SETX: variants seen among roughly 807,000 people sequenced by gnomAD.
SETX encodes the protein senataxin.
In SETX, 90 loss-of-function variants were observed where a neutral mutation model predicts 227.2. That is an observed-to-expected ratio of 0.40 (90% CI 0.33 to 0.47). SETX has a LOEUF of 0.47. Ranked by LOEUF, SETX falls within the 20% of genes least tolerant of loss-of-function variation. The probability of loss-of-function intolerance (pLI) is 0.91; values close to 1 mark genes in which losing one functional copy is unlikely to be tolerated. For synonymous variants in SETX, 1,210 were observed against 1,113.2 expected, an observed-to-expected ratio of 1.09 and a Z score of -1.73; for missense variants, 3,052 against 3,181.5, an observed-to-expected ratio of 0.96 and a Z score of 0.98.
At chr9:132,289,298 C>A (rs941292966) in intron 15 of SETX, among the ~76,000 whole-genome samples, 1 of 152,210 alleles carries the variant, frequency 6.6e-6, no homozygotes, top group Non-Finnish European at 1.5e-5. Context: ...AAAAATAAAT[C>A]AGTAGTTAAG....
chr9:132,317,632 C>CTTTT (rs528921561), intron 10 of SETX, among the ~76,000 whole-genome samples: 6 of 144,966 alleles, frequency 4.1e-5, no homozygotes, highest in African/African-American at 1.5e-4. Flanking sequence ...TATCATTTTC[C>CTTTT]TTTTTTTTTT....
chr9:132,301,932 T>C (rs976292867), intron 11 of SETX, among the ~76,000 whole-genome samples: 2 of 152,200 alleles, frequency 1.3e-5, no homozygotes, highest in South Asian at 4.1e-4. Flanking sequence ...TACAAACCAC[T>C]GCTGAGAGAA....
intron 19 of SETX, 133 bp from the exon 20 acceptor site, chr9:132,281,707 T>G: frequency 2.7e-6 from 2 of 739,648 alleles, no homozygotes. Context: ...AAATACAAAT[T>G]TTCCCTGAAA....
At chr9:132,292,041 A>C (rs1844348533) in intron 15 of SETX, among the ~76,000 whole-genome samples, 1 of 152,190 alleles carries the variant, frequency 6.6e-6, no homozygotes, top group Non-Finnish European at 1.5e-5. Flanking sequence ...TAGATAAAAT[A>C]ATTTTAAAAT....
rs1444514107 is a variant in SETX, at chr9:132,262,428, TAAAG to T, written c.*1807_*1810del. ...CATCAAGATAACAGGAAAGCAAACTTAAAGTAACGAGATTTCTTCCCAAAGGCAC... is the reference window on the plus strand; with the variant it reads ...CATCAAGATAACAGGAAAGCAAACTTTAACGAGATTTCTTCCCAAAGGCAC... On this transcript the variant is annotated 3_prime_UTR_variant, in exon 26 of 26. Coordinates refer to ENST00000224140, the MANE Select transcript of SETX (RefSeq NM_015046.7). 33 of 152,254 alleles carry T rather than the reference TAAAG, an allele frequency of 2.2e-4. No individual in the cohort carries two copies. The highest frequency in any genetic ancestry group is 7.2e-4 in the African/African-American group (30 of 41,524). The allele number at this position is 152,254 out of a possible 1,614,324, so 9.4% of individuals were successfully genotyped here. A position where few individuals can be genotyped will look rare whatever the true frequency, so the allele number is the denominator to read the frequency against.
chr9:132,294,461 C>CAA (rs1844544142), intron 15 of SETX, among the ~76,000 whole-genome samples: 1 of 152,152 alleles, frequency 6.6e-6, no homozygotes, highest in Non-Finnish European at 1.5e-5. Flanking sequence ...ATCAATCTCA[C>CAA]AAATGTAAAG....
intron 2 of SETX, among the ~76,000 whole-genome samples, chr9:132,349,725 A>G (rs971781142): frequency 3.9e-5 from 6 of 152,376 alleles, no homozygotes; most frequent in South Asian, 2.1e-4. Flanking sequence ...CAGTACCGAT[A>G]GAAAATATAT....
upstream of SETX, among the ~76,000 whole-genome samples, chr9:132,355,758 G>A (rs1233747989): frequency 6.6e-6 from 1 of 152,112 alleles, no homozygotes; most frequent in Non-Finnish European, 1.5e-5. Context: ...AGGCCGAGGC[G>A]GGTGGATCAC....
At chr9:132,345,265 T>C (rs1848219170) in intron 4 of SETX, among the ~76,000 whole-genome samples, 2 of 152,164 alleles carry the variant, frequency 1.3e-5, no homozygotes, top group African/African-American at 4.8e-5. Flanking sequence ...ACTACAAGAA[T>C]GAAAATTATT....
chr9:132,312,069 T>C (rs1845699790), intron 10 of SETX, among the ~76,000 whole-genome samples: 1 of 152,200 alleles, frequency 6.6e-6, no homozygotes. Flanking sequence ...TTACATTTAA[T>C]AAAAATGTTA....
chr9:132,325,783 T>G (rs552097526), intron 10 of SETX, among the ~76,000 whole-genome samples: 1 of 151,672 alleles, frequency 6.6e-6, no homozygotes, highest in Non-Finnish European at 1.5e-5. Flanking sequence ...AAATACAAAA[T>G]TAGTGAGGCC....
rs1842910559 is a variant in SETX at position 132,271,690 on chromosome 9, C to T, written c.7199+20G>A. 1 of 1,582,676 alleles carries T rather than the reference C, an allele frequency of 6.3e-7. No homozygotes were observed. Reference sequence around the variant, plus strand: ...AACAATGTATACAAGTATAAAAGAGCAACAATGACAGTAACTCACCCAATT... The same window carrying T: ...AACAATGTATACAAGTATAAAAGAGTAACAATGACAGTAACTCACCCAATT... On this transcript the variant is annotated intron_variant, in intron 24 of 25. Coordinates refer to ENST00000224140, the MANE Select transcript of SETX (RefSeq NM_015046.7).
At chr9:132,280,530 C>T (rs902725396) in intron 20 of SETX, among the ~76,000 whole-genome samples, 2 of 152,196 alleles carry the variant, frequency 1.3e-5, no homozygotes, top group Non-Finnish European at 2.9e-5. Flanking sequence ...CACACTCTAA[C>T]ATGATCATGT....
intron 19 of SETX, chr9:132,283,057 C>T: frequency 1.6e-6 from 1 of 615,436 alleles, no homozygotes; most frequent in Non-Finnish European, 2.8e-6. Flanking sequence ...ATCCTCAAGA[C>T]TAACCCCCAA....
At chr9:132,340,203 CT>C (rs970457743) in intron 5 of SETX, among the ~76,000 whole-genome samples, 42 of 151,922 alleles carry the variant, frequency 2.8e-4, no homozygotes, top group African/African-American at 1.0e-3. Flanking sequence ...CATTTTCTTT[CT>C]TTTTTTTAAT....
intron 10 of SETX, among the ~76,000 whole-genome samples, chr9:132,320,726 A>C (rs1207783449): frequency 6.6e-6 from 1 of 152,198 alleles, no homozygotes; most frequent in African/African-American, 2.4e-5. Context: ...TGTAACTTCA[A>C]AGTAGATTGA....
At chr9:132,276,210 C>T (rs1230987324) in intron 22 of SETX, among the ~76,000 whole-genome samples, 1 of 152,170 alleles carries the variant, frequency 6.6e-6, no homozygotes, top group East Asian at 1.9e-4. Context: ...AATCAGCTAG[C>T]GATCTCTTCC....
chr9:132,351,023 C>T (rs774819876), intron 2 of SETX, among the ~76,000 whole-genome samples: 3 of 152,076 alleles, frequency 2.0e-5, no homozygotes, highest in Non-Finnish European at 4.4e-5. Context: ...CTAGGAAATG[C>T]CAAGTAACAT....
At chr9:132,279,140 C>A (rs997567483) in intron 20 of SETX, among the ~76,000 whole-genome samples, 1 of 152,116 alleles carries the variant, frequency 6.6e-6, no homozygotes, top group African/African-American at 2.4e-5. Flanking sequence ...TTTCACAAAC[C>A]AAATAATGGG....
Sources: gnomAD v4.1 joint callset for allele counts (sites outside exome capture counted in the v4.1 genomes callset) on GRCh38, gnomAD v4.1.1 for gene constraint, MANE v1.5 for transcripts, NCBI Gene and HGNC (gene_info 2026-07-23, HGNC 2026-07-21) for gene names.